The following CARMIL1 variants were observed in gnomAD, a reference collection of about 807,000 sequenced individuals.
The protein encoded by CARMIL1 is capping protein regulator and myosin 1 linker 1, also known as F-actin-uncapping protein LRRC16A.
Under a neutral mutation model 177.1 loss-of-function variants are expected in CARMIL1, and 90 were observed. That is an observed-to-expected ratio of 0.51 (90% CI 0.43 to 0.61). The LOEUF is 0.61. Among genes scored for constraint, CARMIL1 ranks in the 20% least tolerant of loss-of-function variants. The pLI, the probability that CARMIL1 is intolerant of heterozygous loss-of-function variation, is 0.00. For missense variants in CARMIL1, 1,380 were observed against 1,667.0 expected, an observed-to-expected ratio of 0.83 and a Z score of 3.00; for synonymous variants, 577 against 606.2, an observed-to-expected ratio of 0.95 and a Z score of 0.71.
intron 2 of CARMIL1, among the ~76,000 whole-genome samples, chr6:25,390,307 TATATATATATATA>T (rs1562073365): frequency 2.1e-5 from 1 of 47,122 alleles, no homozygotes; most frequent in South Asian, 8.2e-4. Flanking sequence ...TATATATATA[TATATATATATATA>T]TTTTTTTTTT....
intron 8 of CARMIL1, among the ~76,000 whole-genome samples, chr6:25,459,258 C>CT (rs1286225879): frequency 1.8e-5 from 2 of 110,002 alleles, no homozygotes; most frequent in African/African-American, 3.8e-5. Context: ...TTCTTTCTTT[C>CT]TTTCTTTCTT....
intron 2 of CARMIL1, among the ~76,000 whole-genome samples, chr6:25,390,998 A>G: frequency 6.6e-6 from 1 of 152,236 alleles, no homozygotes. Flanking sequence ...CACTGTGCCC[A>G]GCCACTTTGT....
intron 26 of CARMIL1, among the ~76,000 whole-genome samples, chr6:25,542,758 C>T (rs1170853255): frequency 5.3e-5 from 8 of 152,042 alleles, no homozygotes; most frequent in African/African-American, 1.9e-4. Flanking sequence ...ATATTTCCTT[C>T]CAGTTTACAT....
intron 2 of CARMIL1, among the ~76,000 whole-genome samples, chr6:25,365,209 G>T (rs564340194): frequency 1.3e-5 from 2 of 152,256 alleles, no homozygotes; most frequent in South Asian, 4.2e-4. Flanking sequence ...GTGCTGAGTT[G>T]CTTCACCACC....
chr6:25,487,304 A>T (rs1802762585), intron 12 of CARMIL1, among the ~76,000 whole-genome samples: 1 of 152,114 alleles, frequency 6.6e-6, no homozygotes. Context: ...CTATGACCAG[A>T]ACTGGCTCTT....
intron 5 of CARMIL1, among the ~76,000 whole-genome samples, chr6:25,441,337 A>ATATATATG: frequency 0.048 from 4,529 of 94,430 alleles, 125 homozygotes; most frequent in Middle Eastern, 0.075. Context: ...ATATATATAT[A>ATATATATG]TGTGTGTGTG....
At chr6:25,504,657 A>C (rs181349143) in intron 17 of CARMIL1, among the ~76,000 whole-genome samples, 1 of 152,308 alleles carries the variant, frequency 6.6e-6, no homozygotes, top group East Asian at 1.9e-4. Context: ...TACAGGAAAA[A>C]ACTTCGGTGT....
intron 5 of CARMIL1, among the ~76,000 whole-genome samples, chr6:25,448,417 C>T (rs975520156): frequency 1.3e-5 from 2 of 152,166 alleles, no homozygotes; most frequent in African/African-American, 4.8e-5. Context: ...TGGGCTTTCT[C>T]ATCTTTGGGG....
intron 2 of CARMIL1, among the ~76,000 whole-genome samples, chr6:25,309,961 G>A (rs1027661596): frequency 6.6e-6 from 1 of 151,644 alleles, no homozygotes; most frequent in African/African-American, 2.4e-5. Flanking sequence ...GTAGAGGTGG[G>A]GCTTCACCTC....
chr6:25,460,497 G>C (rs1800029628), intron 8 of CARMIL1, among the ~76,000 whole-genome samples: 6 of 152,128 alleles, frequency 3.9e-5, no homozygotes, highest in Admixed American at 3.9e-4. Flanking sequence ...AGAAAGTAAT[G>C]AATTCTAGGG....
rs573511316 is a variant in CARMIL1, at chr6:25,343,436, G to A, written c.138+58527G>A. ...CTTCTTCAGCCATTCACCTTCCTTA[G>A]TAGGGGTCAAGTGGGATCCCTGTGA... On this transcript the variant is annotated intron_variant, in intron 2 of 36. Coordinates refer to ENST00000329474, the MANE Select transcript of CARMIL1 (RefSeq NM_017640.6). Among the ~76,000 whole-genome samples, 12 of 150,992 alleles carry A rather than the reference G, an allele frequency of 7.9e-5. No individual in the cohort carries two copies. The East Asian group carries it at 1.6e-3, about 20-fold the overall frequency.
rs1375048738 is a variant in CARMIL1 at position 25,620,334 on chromosome 6, C to T, written c.*751C>T. The T allele has an allele frequency of 1.3e-5, 2 of 152,104 alleles. No individual in the cohort carries two copies. The highest frequency in any genetic ancestry group is 2.9e-5 in the Non-Finnish European group (2 of 68,006). 9.4% of individuals were successfully genotyped at this position (152,104 alleles called of 1,614,324 possible). A position where few individuals can be genotyped will look rare whatever the true frequency, so the allele number is the denominator to read the frequency against. ...ATTGGAATGAGGTTTTATGAATATT[C>T]ATGTTTTTGAAGGCCTTTAATTTCT... On this transcript the variant is annotated 3_prime_UTR_variant, in exon 37 of 37. Coordinates refer to ENST00000329474, the MANE Select transcript of CARMIL1 (RefSeq NM_017640.6).
chr6:25,435,913 C>G (rs1797186867), intron 5 of CARMIL1, among the ~76,000 whole-genome samples: 1 of 152,150 alleles, frequency 6.6e-6, no homozygotes, highest in South Asian at 2.1e-4. Context: ...GAATATTACT[C>G]ACAGCTTATT....
chr6:25,355,923 A>G (rs1018949699), intron 2 of CARMIL1, among the ~76,000 whole-genome samples: 1 of 152,076 alleles, frequency 6.6e-6, no homozygotes, highest in Non-Finnish European at 1.5e-5. Flanking sequence ...GTGTAGGGTG[A>G]GCCATGTCTT....
At chr6:25,465,088 A>AAAAAAAAC (rs1800477416) in intron 8 of CARMIL1, among the ~76,000 whole-genome samples, 1 of 151,940 alleles carries the variant, frequency 6.6e-6, no homozygotes, top group Non-Finnish European at 1.5e-5. Context: ...AAAAAAAAAA[A>AAAAAAAAC]AAAAGACCAA....
chr6:25,396,423 A>G (rs1793399908), intron 2 of CARMIL1, among the ~76,000 whole-genome samples: 1 of 146,624 alleles, frequency 6.8e-6, no homozygotes, highest in Non-Finnish European at 1.5e-5. Context: ...GTGCAGTGGC[A>G]TGATCTCGGC....
chr6:25,360,448 G>T (rs1233807560), intron 2 of CARMIL1, among the ~76,000 whole-genome samples: 1 of 152,206 alleles, frequency 6.6e-6, no homozygotes, highest in Non-Finnish European at 1.5e-5. Flanking sequence ...CATGTTTCCA[G>T]CTTGTTTAGT....
chr6:25,606,351 G>T, intron 35 of CARMIL1, 78 bp downstream of exon 35: 1 of 1,364,636 alleles, frequency 7.3e-7, no homozygotes, highest in Non-Finnish European at 1.0e-6. Flanking sequence ...TCTGCAGGTG[G>T]TTTCAGGGGC....
chr6:25,301,715 T>C lies in CARMIL1; in HGVS notation c.138+16806T>C, dbSNP rs554564266. Reference sequence around the variant, plus strand: ...AACACCTGGGTAGCCTCTGCCTCTTTATTTAAAAACTTTCTGTATGTGAGA... The same window carrying C: ...AACACCTGGGTAGCCTCTGCCTCTTCATTTAAAAACTTTCTGTATGTGAGA... On this transcript the variant is annotated intron_variant, in intron 2 of 36. Transcript: ENST00000329474. 3.3e-5 allele frequency among the ~76,000 whole-genome samples: 5 copies of C among 152,308 alleles called. No homozygotes were observed. In the East Asian group the frequency reaches 9.7e-4, roughly 29 times the overall value.
Sources: allele counts gnomAD v4.1 joint callset (sites outside exome capture counted in the v4.1 genomes callset), GRCh38; gene constraint gnomAD v4.1.1; transcripts MANE v1.5; gene names NCBI Gene and HGNC (gene_info 2026-07-23, HGNC 2026-07-21).